CTNND2: variants seen among roughly 807,000 people sequenced by gnomAD.
The protein encoded by CTNND2 is catenin delta-2.
CTNND2 carries 22 observed loss-of-function variants against 144.4 expected under a neutral mutation model. That is an observed-to-expected ratio of 0.15 (90% CI 0.11 to 0.22). The LOEUF is 0.22. CTNND2 is among the 10% of genes least tolerant of loss of function. The probability of loss-of-function intolerance (pLI) is 1.00; values close to 1 mark genes in which losing one functional copy is unlikely to be tolerated. For missense variants in CTNND2, 1,353 were observed against 1,618.8 expected, an observed-to-expected ratio of 0.84 and a Z score of 2.82; for synonymous variants, 751 against 695.6, an observed-to-expected ratio of 1.08 and a Z score of -1.25.
intron 9 of CTNND2, among the ~76,000 whole-genome samples, chr5:11,293,100 C>G (rs192429008): frequency 2.8e-4 from 41 of 147,998 alleles, no homozygotes; most frequent in African/African-American, 6.1e-4. Flanking sequence ...CATTATACAG[C>G]TGTGCAAACA....
Position 11,019,386 on chromosome 5 carries a change from C to T in CTNND2, c.3000-1328G>A, listed in dbSNP as rs1741988481. On this transcript the variant is annotated intron_variant, in intron 17 of 21. Transcript: ENST00000304623. ...CAATAGCCAAGCAACTCTAGAAAAA[C>T]ATATATTAATATTCAGGTCGTGATA... Among the ~76,000 whole-genome samples, 4 of 152,166 alleles carry T rather than the reference C, an allele frequency of 2.6e-5. No homozygotes were observed. The South Asian group carries it at 8.3e-4, about 31-fold the overall frequency.
intron 1 of CTNND2, among the ~76,000 whole-genome samples, chr5:11,888,180 T>C (rs1729808646): frequency 1.3e-5 from 2 of 152,212 alleles, no homozygotes; most frequent in Admixed American, 1.3e-4. Flanking sequence ...AACAAAATGT[T>C]GTTGAAACTT....
intron 9 of CTNND2, among the ~76,000 whole-genome samples, chr5:11,250,010 C>T (rs1378815605): frequency 6.6e-6 from 1 of 152,178 alleles, no homozygotes; most frequent in African/African-American, 2.4e-5. Flanking sequence ...CATTACTAGA[C>T]ATTAAAAGCA....
rs551518195 is a variant in CTNND2, at chr5:11,408,426, C to A, written c.439+3110G>T. Reference sequence around the variant, plus strand: ...AAGGTGACTCTGAATATGTTAAGGGCAAATGGTTCTTAAGAATAATAATAT... The same window carrying A: ...AAGGTGACTCTGAATATGTTAAGGGAAAATGGTTCTTAAGAATAATAATAT... On this transcript the variant is annotated intron_variant, in intron 5 of 21. Transcript: ENST00000304623. Among the ~76,000 whole-genome samples the A allele has an allele frequency of 2.6e-5, 4 of 152,216 alleles. No individual in the cohort carries two copies. In the East Asian group the frequency reaches 5.8e-4, roughly 22 times the overall value.
rs375313781 is a variant in CTNND2 at position 10,973,654 on chromosome 5, T to G, written c.3477A>C (p.Pro1159=). 7 of 1,614,022 alleles carry G rather than the reference T, an allele frequency of 4.3e-6. No individual in the cohort carries two copies. In the African/African-American group the frequency reaches 9.3e-5, roughly 22 times the overall value. Residue 1159 remains proline (P), a synonymous_variant, in exon 22 of 22, where the codon CCA becomes CCC. Coordinates refer to ENST00000304623, the MANE Select transcript of CTNND2 (RefSeq NM_001332.4). This position sits in a 1 kb window ranked among gnomAD's most constrained non-coding sequence, Gnocchi z 5.6. ...PSRKDYETYQ[P]FQNSTRNYDE... ...CGTAATTTCTTGTGGAATTCTGAAA[T>G]GGCTGGTAGGTCTCGTAATCTTTTC...
intron 10 of CTNND2, among the ~76,000 whole-genome samples, chr5:11,223,807 G>T (rs929665823): frequency 6.6e-6 from 1 of 152,202 alleles, no homozygotes; most frequent in Non-Finnish European, 1.5e-5. Flanking sequence ...CAAGCCTCTT[G>T]ATGGCTACAG....
intron 12 of CTNND2, among the ~76,000 whole-genome samples, chr5:11,152,760 G>A (rs966933608): frequency 5.3e-5 from 8 of 152,116 alleles, no homozygotes; most frequent in Non-Finnish European, 1.0e-4. Context: ...CCCTCCCATC[G>A]AAGAGGACTG....
intron 3 of CTNND2, among the ~76,000 whole-genome samples, chr5:11,463,864 A>G (rs1766438068): frequency 6.6e-6 from 1 of 152,090 alleles, no homozygotes; most frequent in Admixed American, 6.5e-5. Context: ...CAAAAAAAAA[A>G]AAAGATTTCA....
At chr5:11,814,079 A>T (rs1007614144) in intron 1 of CTNND2, among the ~76,000 whole-genome samples, 7 of 152,184 alleles carry the variant, frequency 4.6e-5, no homozygotes, top group Non-Finnish European at 8.8e-5. Context: ...TATTTTCATC[A>T]TCTATGTAAT....
intron 2 of CTNND2, among the ~76,000 whole-genome samples, chr5:11,614,754 T>A (rs1780500589): frequency 6.6e-6 from 1 of 152,182 alleles, no homozygotes; most frequent in African/African-American, 2.4e-5. Flanking sequence ...GTTTCATCAC[T>A]GAGTGGGGTG....
intron 12 of CTNND2, among the ~76,000 whole-genome samples, chr5:11,152,352 T>TA (rs1561390758): frequency 6.6e-6 from 1 of 152,202 alleles, no homozygotes; most frequent in Non-Finnish European, 1.5e-5. Flanking sequence ...ATACTTACCA[T>TA]TTGTGTTACA....
chr5:11,234,956 G>A (rs552152635), intron 10 of CTNND2, among the ~76,000 whole-genome samples: 6 of 152,266 alleles, frequency 3.9e-5, no homozygotes, highest in Admixed American at 3.9e-4. Context: ...AAAACTCCAC[G>A]ACAGTTTCCT....
At chr5:11,314,561 C>T (rs1243420586) in intron 9 of CTNND2, among the ~76,000 whole-genome samples, 1 of 152,152 alleles carries the variant, frequency 6.6e-6, no homozygotes, top group Non-Finnish European at 1.5e-5. Context: ...AGATGGGGGT[C>T]TCTCTTTATT....
intron 1 of CTNND2, among the ~76,000 whole-genome samples, chr5:11,741,585 G>A (rs1009746007): frequency 7.9e-5 from 12 of 151,998 alleles, no homozygotes; most frequent in Admixed American, 5.9e-4. Context: ...GTGGGGCTGG[G>A]GGAGAGATAG....
intron 2 of CTNND2, among the ~76,000 whole-genome samples, chr5:11,573,424 C>G (rs1198131577): frequency 6.6e-6 from 1 of 152,116 alleles, no homozygotes; most frequent in Non-Finnish European, 1.5e-5. Context: ...ACAGCCACGT[C>G]TCTTGGCAAT....
intron 9 of CTNND2, among the ~76,000 whole-genome samples, chr5:11,278,023 T>C (rs933298206): frequency 1.8e-4 from 27 of 152,306 alleles, no homozygotes; most frequent in African/African-American, 5.8e-4. Flanking sequence ...AGGGACTTTA[T>C]CTTGGCTCCA....
intron 6 of CTNND2, among the ~76,000 whole-genome samples, chr5:11,388,470 C>A (rs1341159457): frequency 6.6e-6 from 1 of 152,210 alleles, no homozygotes; most frequent in Admixed American, 6.5e-5. Context: ...CTAGTGGCCA[C>A]CTTCTTGGAC....
chr5:11,201,894 T>C (rs201185691), intron 10 of CTNND2, among the ~76,000 whole-genome samples: 2 of 152,238 alleles, frequency 1.3e-5, no homozygotes, highest in Non-Finnish European at 2.9e-5. Context: ...TGTATTCCTA[T>C]ATAGGTGTCT....
At chr5:11,803,942 C>A (rs1365639726) in intron 1 of CTNND2, among the ~76,000 whole-genome samples, 2 of 151,868 alleles carry the variant, frequency 1.3e-5, no homozygotes, top group African/African-American at 4.8e-5. Context: ...TTTTTAAACT[C>A]ATTTTTGCTC....
Sources: allele counts gnomAD v4.1 joint callset (sites outside exome capture counted in the v4.1 genomes callset), GRCh38; gene constraint gnomAD v4.1.1; non-coding constraint Gnocchi (gnomAD v3.1); transcripts MANE v1.5; gene names NCBI Gene and HGNC (gene_info 2026-07-23, HGNC 2026-07-21).